The following B4GALNT2 variants were observed in gnomAD, a reference collection of about 807,000 sequenced individuals.
B4GALNT2 encodes N-acetylneuraminylgalactosylglucosyl-glucoside beta-1,4-N- acetylgalactosaminyltransferase 2.
A neutral mutation model predicts 51.1 loss-of-function variants in B4GALNT2; 42 were observed. The ratio of observed to expected loss-of-function variants is 0.82; its 90% CI spans 0.64 to 1.06. The LOEUF (loss-of-function observed/expected upper bound fraction) is 1.06. B4GALNT2 is among the 50% of genes least tolerant of loss of function. B4GALNT2 has a pLI of 0.00. For missense variants in B4GALNT2, 602 were observed against 633.6 expected, an observed-to-expected ratio of 0.95 and a Z score of 0.54; for synonymous variants, 253 against 251.7, an observed-to-expected ratio of 1.01 and a Z score of -0.05.
Position 49,160,605 on chromosome 17 carries a change from C to T in B4GALNT2, c.730C>T (p.His244Tyr). 6.2e-7 allele frequency: 1 copy of T among 1,614,150 alleles called. No homozygotes were observed. The highest frequency in any genetic ancestry group is 8.5e-7 in the Non-Finnish European group (1 of 1,180,030). ...SVAKFPVTIR[H>Y]PVIPKLYDPG... The stretch of plus-strand genomic sequence containing the variant: ...GGCCAAGTTTCCAGTGACCATCCGC[C>T]ATCCTGTCATACCCAAGCTATACGA... The change falls in exon 7 of 11, where the codon CAT becomes TAT. Residue 244 changes from histidine (H) to tyrosine (Y), a missense_variant. His to Tyr is a moderately conservative substitution (Grantham distance 83). Coordinates refer to ENST00000393354, the MANE Select transcript of B4GALNT2 (RefSeq NM_001159387.2).
At chr17:49,130,677 A>G (rs1174502170), upstream of B4GALNT2, among the ~76,000 whole-genome samples, 1 of 152,102 alleles carries the variant, frequency 6.6e-6, no homozygotes, top group Non-Finnish European at 1.5e-5. Flanking sequence ...CTCTTTATGT[A>G]TGAACACTTA....
rs1166425461 is a variant in B4GALNT2 at position 49,168,918 on chromosome 17, G to A, written c.1315+18G>A. 1.9e-6 allele frequency: 3 copies of A among 1,606,764 alleles called. No individual in the cohort carries two copies. The highest frequency in any genetic ancestry group is 3.4e-5 in the Admixed American group (2 of 59,640). On this transcript the variant is annotated intron_variant, in intron 10 of 10. Coordinates refer to ENST00000393354, the MANE Select transcript of B4GALNT2 (RefSeq NM_001159387.2). The stretch of plus-strand genomic sequence containing the variant: ...TCACTCAGGTGGGAAGGCTGAAAGA[G>A]TGAGGGAGGGAGCTGGGCTGGGAAT...
intron 5 of B4GALNT2, 74 bp from the exon 6 acceptor site, chr17:49,158,963 G>A: frequency 1.3e-6 from 2 of 1,520,720 alleles, no homozygotes; most frequent in Non-Finnish European, 1.8e-6. Context: ...TCCTGGCCTG[G>A]GTATGTATGT....
chr17:49,158,911 C>T, intron 5 of B4GALNT2, 126 bp from the exon 6 acceptor site: 1 of 1,135,582 alleles, frequency 8.8e-7, no homozygotes. Flanking sequence ...GTCAAGGGCA[C>T]CCTGGTGCTT....
At chr17:49,168,013 G>A (rs2042926197) in intron 9 of B4GALNT2, among the ~76,000 whole-genome samples, 1 of 152,156 alleles carries the variant, frequency 6.6e-6, no homozygotes, top group Admixed American at 6.5e-5. Flanking sequence ...CAGAAATGCA[G>A]TCTTTAGCTG....
chr17:49,160,769 G>T (rs2042856996), intron 7 of B4GALNT2, 128 bp downstream of exon 7: 3 of 837,064 alleles, frequency 3.6e-6, no homozygotes, highest in African/African-American at 3.4e-5. Context: ...TCCCTGACAA[G>T]CTTCGTTTGG....
chr17:49,152,402 G>A (rs1041185890), intron 3 of B4GALNT2, among the ~76,000 whole-genome samples: 4 of 152,040 alleles, frequency 2.6e-5, no homozygotes, highest in Admixed American at 6.6e-5. Flanking sequence ...AGCCAGGTGC[G>A]GTGGCTCACG....
At chr17:49,120,906 C>T in the B4GALNT2 span, among the ~76,000 whole-genome samples, 1 of 152,056 alleles carries the variant, frequency 6.6e-6, no homozygotes, top group Admixed American at 6.5e-5. Context: ...TAGAACCTTC[C>T]CCACGATTGA....
At chr17:49,163,061 G>A (rs550010428) in intron 7 of B4GALNT2, among the ~76,000 whole-genome samples, 1 of 152,204 alleles carries the variant, frequency 6.6e-6, no homozygotes, top group Middle Eastern at 3.4e-3. Context: ...GTGGCTTCCA[G>A]CATGCATTAA....
chr17:49,168,535 G>A (rs2042931181), intron 9 of B4GALNT2, 146 bp from the exon 10 acceptor site: 5 of 833,952 alleles, frequency 6.0e-6, no homozygotes, highest in Non-Finnish European at 9.5e-6. Flanking sequence ...GCAGCAACGA[G>A]GGAGTAACTG....
At position 49,169,550 on chromosome 17, in the gene B4GALNT2, T is replaced by G; in HGVS notation, c.1343T>G (p.Leu448Arg). ...SEFFIDGLGTLLVGSCPEVII... is the reference protein window; with the variant it reads ...SEFFIDGLGTRLVGSCPEVII... ...TTCTTCATTGATGGGCTAGGGACCCTACTCGTGGGGTCATGCCCAGAAGTG... is the reference window on the plus strand; with the variant it reads ...TTCTTCATTGATGGGCTAGGGACCCGACTCGTGGGGTCATGCCCAGAAGTG... The change falls in exon 11 of 11, where the codon CTA becomes CGA. Residue 448 changes from leucine to arginine, a missense_variant. Leu to Arg is a moderately radical substitution (Grantham distance 102). Transcript: ENST00000393354. The G allele has an allele frequency of 6.2e-7, 1 of 1,612,342 alleles. No individual in the cohort carries two copies. Among genetic ancestry groups the G allele is most frequent in the Non-Finnish European group, 8.5e-7 (1 of 1,180,000 alleles).
At chr17:49,166,018 T>C in intron 8 of B4GALNT2, 96 bp from the exon 9 acceptor site, 1 of 1,366,036 alleles carries the variant, frequency 7.3e-7, no homozygotes, top group Non-Finnish European at 1.0e-6. Context: ...TTGTCTGGAG[T>C]GCATGCAGCC....
upstream of B4GALNT2, among the ~76,000 whole-genome samples, chr17:49,128,418 T>A (rs2042521241): frequency 6.6e-6 from 1 of 151,908 alleles, no homozygotes; most frequent in Non-Finnish European, 1.5e-5. Flanking sequence ...GGGATGAGAA[T>A]GCAGAGGGGG....
chr17:49,139,717 T>G (rs1211132261), intron 1 of B4GALNT2, among the ~76,000 whole-genome samples: 1 of 152,172 alleles, frequency 6.6e-6, no homozygotes, highest in Non-Finnish European at 1.5e-5. Flanking sequence ...GGTCTTGTTT[T>G]GTTGCCCAGG....
chr17:49,154,438 C>G (rs777355655), intron 4 of B4GALNT2, among the ~76,000 whole-genome samples: 8 of 152,044 alleles, frequency 5.3e-5, no homozygotes, highest in African/African-American at 1.9e-4. Context: ...GAAGGATGAG[C>G]CTGCAGGCAC....
intron 4 of B4GALNT2, among the ~76,000 whole-genome samples, chr17:49,154,393 C>T (rs748635901): frequency 2.6e-5 from 4 of 152,056 alleles, no homozygotes; most frequent in Non-Finnish European, 4.4e-5. Context: ...TCACATTCCT[C>T]ATCAGAATAA....
intron 3 of B4GALNT2, among the ~76,000 whole-genome samples, chr17:49,150,953 C>T (rs1378168694): frequency 6.6e-6 from 1 of 151,978 alleles, no homozygotes; most frequent in African/African-American, 2.4e-5. Flanking sequence ...AAAATTTTGC[C>T]TTTTTCATAT....
At chr17:49,160,129 A>G (rs2042849517) in intron 6 of B4GALNT2, among the ~76,000 whole-genome samples, 1 of 152,214 alleles carries the variant, frequency 6.6e-6, no homozygotes, top group Non-Finnish European at 1.5e-5. Context: ...GATGATATTC[A>G]TGACCACTAG....
chr17:49,161,534 C>T (rs1035323088), intron 7 of B4GALNT2, among the ~76,000 whole-genome samples: 1 of 151,990 alleles, frequency 6.6e-6, no homozygotes, highest in African/African-American at 2.4e-5. Flanking sequence ...TATACTCCAG[C>T]CTGTGCAACA....
Sources: allele counts gnomAD v4.1 joint callset (sites outside exome capture counted in the v4.1 genomes callset), GRCh38; gene constraint gnomAD v4.1.1; transcripts MANE v1.5; gene names NCBI Gene and HGNC (gene_info 2026-07-23, HGNC 2026-07-21).